The following PPME1 variants were observed in gnomAD, a reference collection of about 807,000 sequenced individuals.
PPME1 encodes the protein protein phosphatase methylesterase 1.
PPME1 carries 17 observed loss-of-function variants against 56.9 expected under a neutral mutation model. The observed-to-expected ratio is 0.30, with a 90% CI of 0.20 to 0.45. PPME1 has a LOEUF of 0.45. Ranked by LOEUF, PPME1 falls within the 20% of genes least tolerant of loss-of-function variation. The pLI is 1.00. For missense variants in PPME1, 357 were observed against 483.2 expected, an observed-to-expected ratio of 0.74 and a Z score of 2.45; for synonymous variants, 122 against 156.2, an observed-to-expected ratio of 0.78 and a Z score of 1.63.
chr11:74,238,781 A>C (rs1184940358), intron 8 of PPME1: 2 of 160,922 alleles, frequency 1.2e-5, no homozygotes, highest in Admixed American at 6.2e-5. Flanking sequence ...AGCCTTAACC[A>C]CTTATGAGTT....
intron 9 of PPME1, among the ~76,000 whole-genome samples, chr11:74,241,193 AG>A (rs1859349638): frequency 6.6e-6 from 1 of 152,226 alleles, no homozygotes; most frequent in African/African-American, 2.4e-5. Flanking sequence ...TAATCTCTAT[AG>A]ATTTGCCTAA....
At chr11:74,251,626 G>A in intron 12 of PPME1, 22 bp from the exon 13 acceptor site, 1 of 1,611,334 alleles carries the variant, frequency 6.2e-7, no homozygotes. Flanking sequence ...TATATGGCCT[G>A]GAATATCTCT....
chr11:74,232,510 C>A (rs1859092729), intron 7 of PPME1, among the ~76,000 whole-genome samples: 1 of 152,202 alleles, frequency 6.6e-6, no homozygotes, highest in African/African-American at 2.4e-5. Context: ...CCTGTTCTCA[C>A]AGAAATATCA....
chr11:74,203,638 A>G (rs1858234293), intron 1 of PPME1, 90 bp from the exon 2 acceptor site: 8 of 882,032 alleles, frequency 9.1e-6, no homozygotes, highest in South Asian at 1.7e-5. Context: ...TGCTGTTTTC[A>G]TTACTGACTT....
intron 1 of PPME1, among the ~76,000 whole-genome samples, chr11:74,196,032 A>C (rs1020151599): frequency 1.3e-5 from 2 of 152,248 alleles, no homozygotes; most frequent in African/African-American, 4.8e-5. Context: ...AATGACTAAC[A>C]GGAAGTACTT....
chr11:74,172,440 C>A (rs971527554), intron 1 of PPME1, among the ~76,000 whole-genome samples: 1 of 152,164 alleles, frequency 6.6e-6, no homozygotes, highest in Non-Finnish European at 1.5e-5. Context: ...TTTGGGCAAT[C>A]AGTTTTTGCT....
chr11:74,186,198 T>C (rs1857676483), intron 1 of PPME1, among the ~76,000 whole-genome samples: 1 of 152,202 alleles, frequency 6.6e-6, no homozygotes, highest in Non-Finnish European at 1.5e-5. Context: ...AGAGTTTTCC[T>C]TGATTCTTCC....
chr11:74,246,421 T>C (rs1805363131), intron 10 of PPME1, among the ~76,000 whole-genome samples: 3 of 152,136 alleles, frequency 2.0e-5, no homozygotes, highest in East Asian at 3.9e-4. Flanking sequence ...GAATGTGAGC[T>C]CTCTGGTGTC....
chr11:74,250,824 T>C (rs1859638672), intron 11 of PPME1, 130 bp from the exon 12 acceptor site: 1 of 691,986 alleles, frequency 1.4e-6, no homozygotes, highest in African/African-American at 1.8e-5. Flanking sequence ...GACTTGATAA[T>C]TGGGTCCAGA....
chr11:74,239,335 ATTGTTCTTT>A, intron 9 of PPME1, 79 bp downstream of exon 9: 1 of 1,531,350 alleles, frequency 6.5e-7, no homozygotes, highest in South Asian at 1.3e-5. Flanking sequence ...GGGTGATAAC[ATTGTTCTTT>A]TTGTTTGCCA....
chr11:74,230,206 C>CAGAA lies in PPME1; in HGVS notation c.399-36_399-33dup. On this transcript the variant is annotated intron_variant, in intron 5 of 13. Coordinates refer to ENST00000328257, the MANE Select transcript of PPME1 (RefSeq NM_016147.3). This position sits in a 1 kb window ranked among gnomAD's most constrained non-coding sequence, Gnocchi z 4.9. ...AAGAAAACCATTTTTACAGTGTTGT[C>CAGAA]AGAAAGCATTCTTAGATCTTTTTCT... 6.3e-7 allele frequency: 1 copy of CAGAA among 1,574,822 alleles called. No homozygotes were observed. Among genetic ancestry groups the CAGAA allele is most frequent in the Non-Finnish European group, 8.6e-7 (1 of 1,162,232 alleles).
rs115379978 is a variant in PPME1 at position 74,210,758 on chromosome 11, T to G, written c.288+6313T>G. ...CCAGATGCTGGTGCCGTACTTCTTA[T>G]ACAGCTTGCAGAACTGTGACCCAAA... On this transcript the variant is annotated intron_variant, in intron 3 of 13. Coordinates refer to ENST00000328257, the MANE Select transcript of PPME1 (RefSeq NM_016147.3). Among the ~76,000 whole-genome samples the G allele has an allele frequency of 2.0e-3, 304 of 152,338 alleles. 2 individuals carry two copies. The highest frequency in any genetic ancestry group is 7.1e-3 in the African/African-American group (295 of 41,588).
chr11:74,210,380 G>A (rs1341596520), intron 3 of PPME1, among the ~76,000 whole-genome samples: 1 of 152,194 alleles, frequency 6.6e-6, no homozygotes, highest in African/African-American at 2.4e-5. Context: ...ATCATACTTA[G>A]TGGTAAAACA....
At chr11:74,206,889 A>C (rs1052911707) in intron 3 of PPME1, among the ~76,000 whole-genome samples, 2 of 152,146 alleles carry the variant, frequency 1.3e-5, no homozygotes, top group African/African-American at 4.8e-5. Context: ...AAAACCAGCC[A>C]CATCTTTTAA....
chr11:74,208,239 G>C (rs150327208), intron 3 of PPME1, among the ~76,000 whole-genome samples: 77 of 152,062 alleles, frequency 5.1e-4, no homozygotes, highest in African/African-American at 1.3e-3. Flanking sequence ...TTGAACACGG[G>C]GGGCAGAGGT....
chr11:74,190,195 C>T (rs1387141065), intron 1 of PPME1, among the ~76,000 whole-genome samples: 1 of 152,196 alleles, frequency 6.6e-6, no homozygotes, highest in African/African-American at 2.4e-5. Flanking sequence ...ACCTTCTGGT[C>T]CCTTGATAGG....
intron 11 of PPME1, chr11:74,250,426 A>C (rs1859626240): frequency 6.5e-6 from 1 of 153,640 alleles, no homozygotes; most frequent in South Asian, 2.0e-4. Flanking sequence ...TCCTTAACAT[A>C]GCTTACAAAA....
At chr11:74,188,467 G>A (rs1193712094) in intron 1 of PPME1, among the ~76,000 whole-genome samples, 4 of 152,074 alleles carry the variant, frequency 2.6e-5, no homozygotes, top group Non-Finnish European at 4.4e-5. Flanking sequence ...TTACAGGGGT[G>A]AGCCACTGCG....
chr11:74,215,000 CTA>C (rs1384856327), intron 3 of PPME1, among the ~76,000 whole-genome samples: 2 of 152,128 alleles, frequency 1.3e-5, no homozygotes, highest in African/African-American at 2.4e-5. Context: ...AAAATATTAA[CTA>C]TGACAACTTT....
Sources: allele counts gnomAD v4.1 joint callset (sites outside exome capture counted in the v4.1 genomes callset), GRCh38; gene constraint gnomAD v4.1.1; non-coding constraint Gnocchi (gnomAD v3.1); transcripts MANE v1.5; gene names NCBI Gene and HGNC (gene_info 2026-07-23, HGNC 2026-07-21).